Variants in CDKN2A observed in about 807,000 individuals in gnomAD.
The protein encoded by CDKN2A is cyclin dependent kinase inhibitor 2A.
CDKN2A carries 3 observed loss-of-function variants against 11.1 expected under a neutral mutation model. The observed-to-expected ratio is 0.27, with a 90% confidence interval of 0.12 to 0.70. The LOEUF (loss-of-function observed/expected upper bound fraction) is 0.70. Ranked by LOEUF, CDKN2A falls within the 30% of genes least tolerant of loss-of-function variation. The probability of loss-of-function intolerance (pLI) is 0.77; values close to 1 mark genes in which losing one functional copy is unlikely to be tolerated. For synonymous variants in CDKN2A, 122 were observed against 108.1 expected (o/e 1.13, Z -0.80); for missense variants, 265 against 233.6 (o/e 1.13, Z -0.88).
intron 2 of CDKN2A, chr9:21,970,508 G>C (rs1459571940): frequency 4.4e-6 from 2 of 453,634 alleles, no homozygotes; most frequent in Non-Finnish European, 7.9e-6. Flanking sequence ...AGCCAGCTTG[G>C]TATGCAAATG....
In CDKN2A at chr9:21,988,427, T is replaced by G. The variant is rs1820352155; in HGVS notation, c.-4+5455A>C. Among the ~76,000 whole-genome samples, 1 of 152,162 alleles carries G rather than the reference T, an allele frequency of 6.6e-6. No homozygotes were observed. The highest frequency in any genetic ancestry group is 2.1e-4 in the South Asian group (1 of 4,828). On this transcript the variant is annotated intron_variant, in intron 2 of 3. Coordinates refer to the CDKN2A transcript ENST00000494262. The surrounding 1 kb of genome is among the most constrained non-coding windows in gnomAD (Gnocchi z 4.1). ...TCACTTTTTTTTCCCTTTTATTACT[T>G]CTTTTTGATTGTAGAGTTCTGCCCA...
chr9:21,983,727 CTCTCCAT>C (rs1336891349), intron 2 of CDKN2A, among the ~76,000 whole-genome samples: 1 of 152,034 alleles, frequency 6.6e-6, no homozygotes, highest in African/African-American at 2.4e-5. Flanking sequence ...GTCAGTTCCT[CTCTCCAT>C]TCTCCATTCT....
chr9:21,994,656 C>G (rs1039047480), intron 1 of CDKN2A: 1 of 361,622 alleles, frequency 2.8e-6, no homozygotes. Context: ...TCCTCTCCCT[C>G]CCGCCTACCG....
intron 1 of CDKN2A, chr9:21,994,516 AC>A (rs2131150021): frequency 3.1e-6 from 3 of 969,100 alleles, no homozygotes; most frequent in Admixed American, 6.0e-5. Context: ...CTTCACCCCC[AC>A]CCCCACCCCA....
rs138967562 is a variant in CDKN2A at position 21,973,109 on chromosome 9, A to T, written c.150+1569T>A. Among the ~76,000 whole-genome samples, 960 of 152,332 alleles carry T rather than the reference A, an allele frequency of 6.3e-3. 3 individuals carry two copies. The highest frequency in any genetic ancestry group is 0.027 in the Middle Eastern group (8 of 294). ...GTATATTTATTGTTTTGTGTATTCA[A>T]TGAAGTCCTTCGTCTTGGTCATAAA... On this transcript the variant is annotated intron_variant, in intron 1 of 2. Coordinates refer to ENST00000304494, the MANE Select transcript of CDKN2A (RefSeq NM_000077.5).
chr9:21,969,669 C>G (rs926464794), intron 2 of CDKN2A: 4 of 398,292 alleles, frequency 1.0e-5, no homozygotes, highest in Non-Finnish European at 1.8e-5. Flanking sequence ...GCTCCTCAGG[C>G]TTTTTGCTCA....
intron 2 of CDKN2A, among the ~76,000 whole-genome samples, chr9:21,984,551 G>A (rs1424498673): frequency 5.3e-5 from 8 of 151,984 alleles, no homozygotes; most frequent in Non-Finnish European, 1.0e-4. Flanking sequence ...GCTAACACAA[G>A]CATATATAAT....
At chr9:21,975,175 C>T (rs1819988240), upstream of CDKN2A, 5 of 1,147,468 alleles carry the variant, frequency 4.4e-6, no homozygotes, top group Non-Finnish European at 5.4e-6. Flanking sequence ...GGGCTCCTCC[C>T]CACCTGCCCC....
At chr9:21,971,410 T>C in intron 1 of CDKN2A, 1 of 1,438,580 alleles carries the variant, frequency 7.0e-7, no homozygotes, top group Non-Finnish European at 9.1e-7. Context: ...CATTATATCC[T>C]CCGAACTTCT....
At position 21,974,034 on chromosome 9, in the gene CDKN2A, G is replaced by T. The variant is rs556768148; in HGVS notation, c.150+644C>A. ...ACCTCCCGAGTAGCTGGGATTACAG[G>T]CGCCTGCCACCACCCCCGGCTACTT... On this transcript the variant is annotated intron_variant, in intron 1 of 2. Transcript: ENST00000304494. The surrounding 1 kb of genome is among the most constrained non-coding windows in gnomAD (Gnocchi z 5.2). 4.6e-5 allele frequency among the ~76,000 whole-genome samples: 7 copies of T among 152,202 alleles called. No individual in the cohort carries two copies. In the East Asian group the frequency reaches 1.4e-3, roughly 29 times the overall value.
At chr9:21,976,950 C>T (rs1820052811), upstream of CDKN2A, among the ~76,000 whole-genome samples, 1 of 152,212 alleles carries the variant, frequency 6.6e-6, no homozygotes, top group Non-Finnish European at 1.5e-5. Context: ...TTGCTGATGC[C>T]TTAAGCACAT....
chr9:21,971,277 A>G (rs1819733826), intron 1 of CDKN2A, 69 bp from the exon 2 acceptor site: 1 of 1,549,788 alleles, frequency 6.5e-7, no homozygotes, highest in Non-Finnish European at 8.7e-7. Flanking sequence ...GCTTGTGTAG[A>G]GCCCCCTCAC....
At chr9:21,982,463 C>G (rs923315367) in intron 2 of CDKN2A, among the ~76,000 whole-genome samples, 3 of 150,356 alleles carry the variant, frequency 2.0e-5, no homozygotes, top group African/African-American at 7.3e-5. Context: ...ACAATTATTC[C>G]TTAACTTTTT....
At chr9:21,986,329 T>A (rs1820296223) in intron 2 of CDKN2A, among the ~76,000 whole-genome samples, 1 of 152,052 alleles carries the variant, frequency 6.6e-6, no homozygotes, top group Admixed American at 6.5e-5. Context: ...TTCACTGGTT[T>A]TATTTTGGTC....
In CDKN2A at chr9:21,974,345, T is replaced by C; in HGVS notation, c.150+333A>G. On this transcript the variant is annotated intron_variant, in intron 1 of 2. Coordinates refer to ENST00000304494, the MANE Select transcript of CDKN2A (RefSeq NM_000077.5). The surrounding 1 kb of genome is among the most constrained non-coding windows in gnomAD (Gnocchi z 5.2). ...GTAGTCCCAGCACATCTTACATTTC[T>C]TTAAGACTCCCTTTTTATCCCAAAC... 7.0e-7 allele frequency: 1 copy of C among 1,433,556 alleles called. No individual in the cohort carries two copies. Among genetic ancestry groups the C allele is most frequent in the African/African-American group, 1.4e-5 (1 of 71,036 alleles). The allele number at this position is 1,433,556 out of a possible 1,614,324, so 88.8% of individuals were successfully genotyped here. A position where few individuals can be genotyped will look rare whatever the true frequency, so the allele number is the denominator to read the frequency against.
chr9:21,983,496 T>A (rs1384303066), intron 2 of CDKN2A, among the ~76,000 whole-genome samples: 1 of 152,104 alleles, frequency 6.6e-6, no homozygotes, highest in East Asian at 1.9e-4. Context: ...ATAATTTACT[T>A]AATGATGTCC....
chr9:21,989,977 A>T (rs1820387018), intron 2 of CDKN2A: 1 of 152,184 alleles, frequency 6.6e-6, no homozygotes, highest in Non-Finnish European at 1.5e-5. Flanking sequence ...GAGAGTGGGG[A>T]AGTTAGGATC....
Position 21,971,431 on chromosome 9 carries a change from C to T in CDKN2A, c.151-223G>A, listed in dbSNP as rs138233963. On this transcript the variant is annotated intron_variant, in intron 1 of 2. Coordinates refer to ENST00000304494, the MANE Select transcript of CDKN2A (RefSeq NM_000077.5). ...ATCCTCCGAACTTCTGCGGAGCTGT[C>T]GTCACAGGCAGAGAGCACTGTGAGG... The T allele has an allele frequency of 3.1e-3, 4,354 of 1,399,314 alleles. 15 individuals carry two copies. Among genetic ancestry groups the T allele is most frequent in the Middle Eastern group, 0.011 (42 of 3,820 alleles). 86.7% of individuals were successfully genotyped at this position (1,399,314 alleles called of 1,614,324 possible).
At chr9:21,985,092 T>C (rs1820271399) in intron 2 of CDKN2A, among the ~76,000 whole-genome samples, 1 of 152,016 alleles carries the variant, frequency 6.6e-6, no homozygotes, top group Non-Finnish European at 1.5e-5. Context: ...ACTTTTCACA[T>C]ACAGATTTAA....
Sources: allele counts gnomAD v4.1 joint callset (sites outside exome capture counted in the v4.1 genomes callset), GRCh38; gene constraint gnomAD v4.1.1; non-coding constraint Gnocchi (gnomAD v3.1); transcripts MANE v1.5; gene names NCBI Gene and HGNC (gene_info 2026-07-23, HGNC 2026-07-21).